The following RORB variants were observed in gnomAD, a reference collection of about 807,000 sequenced individuals.
The protein encoded by RORB is RAR related orphan receptor B, also known as nuclear receptor ROR-beta.
RORB carries 6 observed loss-of-function variants against 59.1 expected under a neutral mutation model. That is an observed-to-expected ratio of 0.10 (90% CI 0.06 to 0.20). RORB has a LOEUF of 0.20. Ranked by LOEUF, RORB falls within the 10% of genes least tolerant of loss-of-function variation. RORB has a pLI of 1.00. For synonymous variants in RORB, 215 were observed against 204.5 expected, an observed-to-expected ratio of 1.05 and a Z score of -0.44; for missense variants, 320 against 560.5, an observed-to-expected ratio of 0.57 and a Z score of 4.33.
At position 74,642,655 on chromosome 9, in the gene RORB, T is replaced by C. The variant is rs183842881; in HGVS notation, c.477T>C (p.Asp159=). ...LPKSEGYYNV[D]SGQPSPDQSG... is the part of the protein sequence containing the mutation. ...AGTCTGAGGGTTATTACAACGTCGA[T>C]TCCGGTCAGCCGTCCCCTGATCAGT... is the stretch of plus-strand genomic sequence containing the variant. The change falls in exon 4 of 10, where the codon GAT becomes GAC. Residue 159 remains aspartate (D), a synonymous_variant. Coordinates refer to ENST00000376896, the MANE Select transcript of RORB (RefSeq NM_006914.4). 6 of 1,614,202 alleles carry C rather than the reference T, an allele frequency of 3.7e-6. No homozygotes were observed. The Admixed American group carries it at 1.0e-4, about 27-fold the overall frequency.
intron 1 of RORB, among the ~76,000 whole-genome samples, chr9:74,621,640 G>A (rs1394396562): frequency 6.6e-6 from 1 of 152,124 alleles, no homozygotes; most frequent in Non-Finnish European, 1.5e-5. Context: ...TAAGACTATG[G>A]GTAGCTTTGT....
At chr9:74,685,276 G>A (rs1824621111) in intron 9 of RORB, among the ~76,000 whole-genome samples, 187 bp from the exon 10 acceptor site, 1 of 150,454 alleles carries the variant, frequency 6.6e-6, no homozygotes, top group African/African-American at 2.4e-5. Flanking sequence ...GTCCGGGGGG[G>A]CGGGGGTGGG....
chr9:74,639,264 C>T (rs1023998855), intron 3 of RORB, among the ~76,000 whole-genome samples: 8 of 152,328 alleles, frequency 5.3e-5, no homozygotes, highest in African/African-American at 9.6e-5. Context: ...CACAATCACA[C>T]GAGCCTTTTT....
intron 4 of RORB, among the ~76,000 whole-genome samples, chr9:74,644,582 G>A (rs1823865529): frequency 6.6e-6 from 1 of 152,080 alleles, no homozygotes; most frequent in African/African-American, 2.4e-5. Context: ...ACCTGCCATG[G>A]GTCTCAATTC....
intron 1 of RORB, among the ~76,000 whole-genome samples, chr9:74,575,699 T>C (rs1822624698): frequency 6.6e-6 from 1 of 152,080 alleles, no homozygotes; most frequent in East Asian, 1.9e-4. Flanking sequence ...AAAATGTTGT[T>C]CAGTTTCCTG....
At chr9:74,519,905 G>A (rs542482256) in intron 1 of RORB, among the ~76,000 whole-genome samples, 103 of 151,938 alleles carry the variant, frequency 6.8e-4, no homozygotes, top group African/African-American at 2.3e-3. Context: ...ACATTTCACA[G>A]CAATTTCTAA....
At chr9:74,684,452 A>G (rs1824602759) in intron 9 of RORB, among the ~76,000 whole-genome samples, 2 of 151,236 alleles carry the variant, frequency 1.3e-5, no homozygotes, top group Admixed American at 1.3e-4. Flanking sequence ...ACAAGAACAT[A>G]TCTCTCACAA....
intron 1 of RORB, among the ~76,000 whole-genome samples, chr9:74,539,565 C>G (rs113239574): frequency 6.6e-6 from 1 of 152,062 alleles, no homozygotes; most frequent in South Asian, 2.1e-4. Flanking sequence ...TGGGCTACAG[C>G]GTTAAGAAGC....
At chr9:74,656,791 A>C (rs779071628) in intron 4 of RORB, among the ~76,000 whole-genome samples, 4 of 152,114 alleles carry the variant, frequency 2.6e-5, no homozygotes, top group Non-Finnish European at 5.9e-5. Context: ...CTACTTTACA[A>C]CTTCGGTTGG....
chr9:74,631,284 G>A (rs943984869), intron 2 of RORB, among the ~76,000 whole-genome samples: 1 of 152,212 alleles, frequency 6.6e-6, no homozygotes, highest in Non-Finnish European at 1.5e-5. Context: ...TATAGCTAAC[G>A]CTAAAGGACC....
At chr9:74,555,970 A>T (rs982717032) in intron 1 of RORB, among the ~76,000 whole-genome samples, 3 of 152,186 alleles carry the variant, frequency 2.0e-5, no homozygotes, top group Non-Finnish European at 2.9e-5. Context: ...GTGATTTTTT[A>T]AAATTAATTG....
chr9:74,598,399 C>G (rs938051814), intron 1 of RORB, among the ~76,000 whole-genome samples: 3 of 152,148 alleles, frequency 2.0e-5, no homozygotes, highest in Non-Finnish European at 4.4e-5. Context: ...AGAAAAAGAG[C>G]AATCATAATT....
In RORB at chr9:74,520,607, A is replaced by T. The variant is rs1279082975; in HGVS notation, c.7+22624A>T. ...TATTAAATTCAGATGATAGTGAGAT[A>T]AATTACCAGGTTCTTAACTGGTTGT... On this transcript the variant is annotated intron_variant, in intron 1 of 9. Coordinates refer to ENST00000376896, the MANE Select transcript of RORB (RefSeq NM_006914.4). Among the ~76,000 whole-genome samples, 5 of 151,924 alleles carry T rather than the reference A, an allele frequency of 3.3e-5. No homozygotes were observed. In the East Asian group the frequency reaches 9.7e-4, roughly 29 times the overall value.
intron 1 of RORB, among the ~76,000 whole-genome samples, chr9:74,551,501 T>A (rs893085197): frequency 2.0e-5 from 3 of 152,184 alleles, no homozygotes; most frequent in Non-Finnish European, 4.4e-5. Flanking sequence ...CAGAGCGGGA[T>A]GACAAGAGAT....
At chr9:74,609,328 T>C (rs1159249671) in intron 1 of RORB, among the ~76,000 whole-genome samples, 2 of 152,224 alleles carry the variant, frequency 1.3e-5, no homozygotes, top group Non-Finnish European at 2.9e-5. Flanking sequence ...GACACATCCT[T>C]TCACCATTGC....
At chr9:74,567,058 C>T (rs1049385410) in intron 1 of RORB, among the ~76,000 whole-genome samples, 3 of 151,502 alleles carry the variant, frequency 2.0e-5, no homozygotes, top group Admixed American at 1.3e-4. Context: ...GACAGAGGCT[C>T]GCTCTGTCGC....
At chr9:74,558,378 G>A (rs1182103680) in intron 1 of RORB, among the ~76,000 whole-genome samples, 1 of 152,182 alleles carries the variant, frequency 6.6e-6, no homozygotes, top group East Asian at 1.9e-4. Flanking sequence ...TTTGAGATAG[G>A]CCTATTACTT....
chr9:74,580,545 A>G (rs1822706614), intron 1 of RORB, among the ~76,000 whole-genome samples: 1 of 152,166 alleles, frequency 6.6e-6, no homozygotes, highest in Non-Finnish European at 1.5e-5. Flanking sequence ...AAGATTAGAG[A>G]GACTACCACT....
chr9:74,662,257 T>C (rs1824199871), intron 5 of RORB, among the ~76,000 whole-genome samples: 1 of 152,206 alleles, frequency 6.6e-6, no homozygotes, highest in African/African-American at 2.4e-5. Flanking sequence ...TTAGCCTCAG[T>C]ACTTTGATCA....
Sources: gnomAD v4.1 joint callset for allele counts (sites outside exome capture counted in the v4.1 genomes callset) on GRCh38, gnomAD v4.1.1 for gene constraint, MANE v1.5 for transcripts, NCBI Gene and HGNC (gene_info 2026-07-23, HGNC 2026-07-21) for gene names.